Variants in AKAIN1 observed in about 807,000 individuals in gnomAD.
The protein encoded by AKAIN1 is A-kinase anchor inhibitor 1, also known as A-kinase anchor protein inhibitor 1.
A neutral mutation model predicts 3.7 loss-of-function variants in AKAIN1; 3 were observed. The observed-to-expected ratio is 0.82, with a 90% CI of 0.37 to 2.12. The LOEUF is 2.12. AKAIN1 is among the 30% of genes most tolerant of loss of function. The probability of loss-of-function intolerance (pLI) is 0.06; values close to 1 mark genes in which losing one functional copy is unlikely to be tolerated. For synonymous variants in AKAIN1, 31 were observed against 30.8 expected (o/e 1.01, Z -0.02); for missense variants, 82 against 82.7 (o/e 0.99, Z 0.03).
At chr18:5,170,323 T>C (rs1051841146) in intron 1 of AKAIN1, among the ~76,000 whole-genome samples, 2 of 152,176 alleles carry the variant, frequency 1.3e-5, no homozygotes, top group African/African-American at 4.8e-5. Context: ...TAGAGGTCTA[T>C]TTATGTGATT....
intron 1 of AKAIN1, among the ~76,000 whole-genome samples, chr18:5,188,943 T>A (rs917896048): frequency 1.3e-5 from 2 of 152,206 alleles, no homozygotes; most frequent in Non-Finnish European, 2.9e-5. Flanking sequence ...TGACTTTCTT[T>A]GAAATCTAGG....
intron 1 of AKAIN1, among the ~76,000 whole-genome samples, chr18:5,147,778 A>C (rs2143305065): frequency 6.6e-6 from 1 of 152,028 alleles, no homozygotes; most frequent in South Asian, 2.1e-4. Context: ...ATATTTTAAA[A>C]AACAGGATAA....
Position 5,144,908 on chromosome 18 carries a change from A to G in AKAIN1, c.*654T>C, listed in dbSNP as rs991459860. ...TTCCCAAAAGATTTCTACACAGAGC[A>G]TAAACACCAATTATGAAATCATTCA... On this transcript the variant is annotated 3_prime_UTR_variant, in exon 2 of 2. Coordinates refer to ENST00000434239, the MANE Select transcript of AKAIN1 (RefSeq NM_001145194.2). 6.6e-6 allele frequency among the ~76,000 whole-genome samples: 1 copy of G among 152,266 alleles called. No homozygotes were observed.
At chr18:5,184,268 G>C (rs912685687) in intron 1 of AKAIN1, among the ~76,000 whole-genome samples, 3 of 151,876 alleles carry the variant, frequency 2.0e-5, no homozygotes, top group South Asian at 2.1e-4. Context: ...CAAATAATGA[G>C]GATCCACAAT....
intron 1 of AKAIN1, among the ~76,000 whole-genome samples, chr18:5,175,666 G>T (rs1302799415): frequency 6.6e-6 from 1 of 152,090 alleles, no homozygotes; most frequent in Admixed American, 6.6e-5. Flanking sequence ...CACTGTTCTG[G>T]TAAGAAATAC....
chr18:5,160,807 G>A (rs568771644), intron 1 of AKAIN1, among the ~76,000 whole-genome samples: 23 of 152,026 alleles, frequency 1.5e-4, no homozygotes, highest in East Asian at 3.9e-4. Context: ...GTTTTGAGAC[G>A]TTTGGCCTTT....
intron 1 of AKAIN1, among the ~76,000 whole-genome samples, chr18:5,167,802 C>G (rs555953441): frequency 6.6e-6 from 1 of 152,064 alleles, no homozygotes; most frequent in East Asian, 1.9e-4. Context: ...ACCAGCAGTG[C>G]TCTATGCCAT....
intron 1 of AKAIN1, among the ~76,000 whole-genome samples, chr18:5,192,612 T>C (rs903456065): frequency 3.3e-5 from 5 of 152,186 alleles, no homozygotes; most frequent in African/African-American, 1.2e-4. Flanking sequence ...GACTTGGAAT[T>C]CCAGCCTCCA....
chr18:5,172,547 G>A (rs955755050), intron 1 of AKAIN1, among the ~76,000 whole-genome samples: 2 of 151,896 alleles, frequency 1.3e-5, no homozygotes, highest in Non-Finnish European at 2.9e-5. Flanking sequence ...CTAACCAAAT[G>A]ACTTAAAATA....
At chr18:5,174,078 C>T (rs2071212524) in intron 1 of AKAIN1, among the ~76,000 whole-genome samples, 1 of 152,126 alleles carries the variant, frequency 6.6e-6, no homozygotes, top group Admixed American at 6.5e-5. Context: ...CTACCTATGC[C>T]AGCTTTTCTC....
In AKAIN1 at chr18:5,145,510, A is replaced by G. The variant is rs2071043357; in HGVS notation, c.*52T>C. On this transcript the variant is annotated 3_prime_UTR_variant, in exon 2 of 2. Transcript: ENST00000434239. ...GCAACATTTTGGAGATGCGTCCTATACTAAGAGGAAGGCTAGAAACCAAGC... is the reference window on the plus strand; with the variant it reads ...GCAACATTTTGGAGATGCGTCCTATGCTAAGAGGAAGGCTAGAAACCAAGC... 4.8e-6 allele frequency: 7 copies of G among 1,473,538 alleles called. No individual in the cohort carries two copies. The highest frequency in any genetic ancestry group is 5.5e-6 in the Non-Finnish European group (6 of 1,083,852). The allele number at this position is 1,473,538 out of a possible 1,614,324, so 91.3% of individuals were successfully genotyped here. A position where few individuals can be genotyped will look rare whatever the true frequency, so the allele number is the denominator to read the frequency against.
chr18:5,189,464 T>C (rs1441489947), intron 1 of AKAIN1, among the ~76,000 whole-genome samples: 1 of 152,170 alleles, frequency 6.6e-6, no homozygotes, highest in Non-Finnish European at 1.5e-5. Context: ...AATTTTGTCT[T>C]TAAGTCATTC....
chr18:5,191,449 A>G (rs2071318003), intron 1 of AKAIN1, among the ~76,000 whole-genome samples: 1 of 152,198 alleles, frequency 6.6e-6, no homozygotes, highest in African/African-American at 2.4e-5. Flanking sequence ...AACATATGCA[A>G]GATCTGTATG....
At chr18:5,168,054 C>T (rs1315845847) in intron 1 of AKAIN1, among the ~76,000 whole-genome samples, 1 of 152,050 alleles carries the variant, frequency 6.6e-6, no homozygotes, top group Non-Finnish European at 1.5e-5. Flanking sequence ...GTACCCAAAC[C>T]CATCTGAACA....
At position 5,145,502 on chromosome 18, in the gene AKAIN1, C is replaced by T. The variant is rs984753179; in HGVS notation, c.*60G>A. The T allele has an allele frequency of 3.2e-5, 44 of 1,384,366 alleles. No individual in the cohort carries two copies. The South Asian group carries it at 3.9e-4, about 12-fold the overall frequency. 85.8% of individuals were successfully genotyped at this position (1,384,366 alleles called of 1,614,324 possible). On this transcript the variant is annotated 3_prime_UTR_variant, in exon 2 of 2. Coordinates refer to ENST00000434239, the MANE Select transcript of AKAIN1 (RefSeq NM_001145194.2). ...CTTTACTGGCAACATTTTGGAGATGCGTCCTATACTAAGAGGAAGGCTAGA... is the reference window on the plus strand; with the variant it reads ...CTTTACTGGCAACATTTTGGAGATGTGTCCTATACTAAGAGGAAGGCTAGA...
In AKAIN1 at chr18:5,145,470, C is replaced by G; in HGVS notation, c.*92G>C. ...CTACAGCTAGGTGCCGGTGACACTT[C>G]GGTTTGCTTTACTGGCAACATTTTG... On this transcript the variant is annotated 3_prime_UTR_variant, in exon 2 of 2. Transcript: ENST00000434239. 1.9e-6 allele frequency: 2 copies of G among 1,026,690 alleles called. No homozygotes were observed. The highest frequency in any genetic ancestry group is 2.9e-6 in the Non-Finnish European group (2 of 699,648). 63.6% of individuals were successfully genotyped at this position (1,026,690 alleles called of 1,614,324 possible). A position where few individuals can be genotyped will look rare whatever the true frequency, so the allele number is the denominator to read the frequency against.
At chr18:5,146,039 C>A (rs2071047544) in intron 1 of AKAIN1, among the ~76,000 whole-genome samples, 1 of 152,094 alleles carries the variant, frequency 6.6e-6, no homozygotes, top group Non-Finnish European at 1.5e-5. Flanking sequence ...ACTTATAATA[C>A]CTAATATAAT....
chr18:5,192,333 T>A (rs1023192243), intron 1 of AKAIN1, among the ~76,000 whole-genome samples: 1 of 152,182 alleles, frequency 6.6e-6, no homozygotes, highest in African/African-American at 2.4e-5. Flanking sequence ...TCCTCCCAGC[T>A]CATTCTCCCT....
At chr18:5,178,926 T>C (rs1193635152) in intron 1 of AKAIN1, among the ~76,000 whole-genome samples, 2 of 152,196 alleles carry the variant, frequency 1.3e-5, no homozygotes, top group Non-Finnish European at 2.9e-5. Context: ...ATAAAAATTC[T>C]GCCCCTTTAA....
Sources: gnomAD v4.1 joint callset for allele counts (sites outside exome capture counted in the v4.1 genomes callset) on GRCh38, gnomAD v4.1.1 for gene constraint, MANE v1.5 for transcripts, NCBI Gene and HGNC (gene_info 2026-07-23, HGNC 2026-07-21) for gene names.